Variants in POTEC observed in about 807,000 individuals in gnomAD.
POTEC encodes the protein POTE ankyrin domain family member C, also known as ANKRD26-like family B member 2.
A neutral mutation model predicts 62.0 loss-of-function variants in POTEC; 35 were observed. The ratio of observed to expected loss-of-function variants is 0.56; its 90% CI spans 0.43 to 0.75. The LOEUF (loss-of-function observed/expected upper bound fraction) is 0.75. POTEC is among the 30% of genes least tolerant of loss of function. The pLI, the probability that POTEC is intolerant of heterozygous loss-of-function variation, is 0.00. For synonymous variants in POTEC, 156 were observed against 221.5 expected, an observed-to-expected ratio of 0.70 and a Z score of 2.62; for missense variants, 472 against 655.9, an observed-to-expected ratio of 0.72 and a Z score of 3.06.
intron 1 of POTEC, among the ~76,000 whole-genome samples, chr18:14,542,028 C>T (rs1342612901): frequency 6.6e-6 from 1 of 152,022 alleles, no homozygotes; most frequent in African/African-American, 2.4e-5. Context: ...TGATAAAATA[C>T]ATCATGTGCA....
rs748107578 is a variant in POTEC, at chr18:14,513,735, C to T, written c.1460G>A (p.Gly487Glu). ...AGTCAGAATCTCATCTTGTGATATTCCAGTGTTCTGTTCTTCAGAAAGTTG... is the reference window on the plus strand; with the variant it reads ...AGTCAGAATCTCATCTTGTGATATTTCAGTGTTCTGTTCTTCAGAAAGTTG... ...RKQLSEEQNT[G>E]ISQDEILTNK... Residue 487 changes from glycine to glutamate, a missense_variant, in exon 10 of 11, where the codon GGA (glycine) becomes GAA (glutamate). Transcript: ENST00000358970. 1 of 1,611,252 alleles carries T rather than the reference C, an allele frequency of 6.2e-7. No homozygotes were observed. The highest frequency in any genetic ancestry group is 8.5e-7 in the Non-Finnish European group (1 of 1,179,694).
rs750442973 is a variant in POTEC, at chr18:14,530,572, T to C, written c.1056-19A>G. ...ACAAATTCTATGTATAAAAATGTAA[T>C]AAACCAAATTACTATTTTAATACTG... On this transcript the variant is annotated intron_variant, in intron 5 of 10. Transcript: ENST00000358970. The C allele has an allele frequency of 6.6e-7, 1 of 1,511,712 alleles. No homozygotes were observed. Among genetic ancestry groups the C allele is most frequent in the South Asian group, 1.2e-5 (1 of 82,862 alleles). 93.6% of individuals were successfully genotyped at this position (1,511,712 alleles called of 1,614,324 possible).
Position 14,537,828 on chromosome 18 carries a change from A to G in POTEC, c.783T>C (p.Tyr261=). 6.2e-7 allele frequency: 1 copy of G among 1,611,792 alleles called. No individual in the cohort carries two copies. The highest frequency in any genetic ancestry group is 8.5e-7 in the Non-Finnish European group (1 of 1,179,578). ...TGTTTTTTGATTCAATATCAGCACC[A>G]TATAAGAGCAGTGCTTTGGCCATTA... ...DKLMAKALLL[Y]GADIESKNKC... Residue 261 remains tyrosine, a synonymous_variant, in exon 3 of 11, where the codon TAT becomes TAC. Transcript: ENST00000358970.
chr18:14,515,435 T>C (rs1424201558), intron 9 of POTEC, among the ~76,000 whole-genome samples: 1 of 151,950 alleles, frequency 6.6e-6, no homozygotes, highest in Admixed American at 6.6e-5. Flanking sequence ...TACAAAAACA[T>C]ACACTGGAGA....
At chr18:14,536,114 A>G (rs1361985898) in intron 3 of POTEC, among the ~76,000 whole-genome samples, 1 of 151,684 alleles carries the variant, frequency 6.6e-6, no homozygotes, top group East Asian at 2.0e-4. Context: ...ACTAAAAAAA[A>G]AATACAAAAA....
At position 14,530,008 on chromosome 18, in the gene POTEC, C is replaced by T. The variant is rs1275115721; in HGVS notation, c.1126+475G>A. On this transcript the variant is annotated intron_variant, in intron 6 of 10. Coordinates refer to ENST00000358970, the MANE Select transcript of POTEC (RefSeq NM_001137671.2). ...ACACCACACAGGAGGAGGTGAGCAG[C>T]AGGCAAACCAGGGAAGCTTCACCTG... 3.3e-5 allele frequency among the ~76,000 whole-genome samples: 5 copies of T among 152,030 alleles called. No homozygotes were observed. In the East Asian group the frequency reaches 9.7e-4, roughly 29 times the overall value.
At chr18:14,537,199 AC>A (rs1905752547) in intron 3 of POTEC, among the ~76,000 whole-genome samples, 9 of 88,850 alleles carry the variant, frequency 1.0e-4, no homozygotes, top group Admixed American at 2.3e-4. Context: ...ACACACACAC[AC>A]ACACACACAC....
intron 6 of POTEC, among the ~76,000 whole-genome samples, chr18:14,528,257 CA>C (rs1185278855): frequency 6.6e-6 from 1 of 152,160 alleles, no homozygotes; most frequent in Non-Finnish European, 1.5e-5. Flanking sequence ...CAAATTTCTC[CA>C]ATGAGCCCCT....
intron 6 of POTEC, among the ~76,000 whole-genome samples, chr18:14,525,205 T>C (rs1910405362): frequency 6.8e-6 from 1 of 146,782 alleles, no homozygotes; most frequent in Admixed American, 7.0e-5. Context: ...CCACCCCACA[T>C]AAATGAACAA....
intron 6 of POTEC, among the ~76,000 whole-genome samples, chr18:14,526,669 G>A (rs1217400025): frequency 2.0e-5 from 3 of 152,038 alleles, no homozygotes; most frequent in African/African-American, 7.2e-5. Flanking sequence ...AATAGAAGGA[G>A]GAGTGAGTAG....
At position 14,543,233 on chromosome 18, in the gene POTEC, T is replaced by G. The variant is rs1352537391; in HGVS notation, c.-87A>C. ...CACCAACTAGCAGGAAACCCTGGGT[T>G]TCCAATCTGTTTGAAGAGAAAGGTC... On this transcript the variant is annotated 5_prime_UTR_variant, in exon 1 of 11. Transcript: ENST00000358970. The G allele has an allele frequency of 1.9e-6, 3 of 1,550,768 alleles. No individual in the cohort carries two copies. The African/African-American group carries it at 4.1e-5, about 21-fold the overall frequency.
intron 9 of POTEC, among the ~76,000 whole-genome samples, chr18:14,519,434 G>A (rs2143121513): frequency 6.6e-6 from 1 of 152,156 alleles, no homozygotes; most frequent in Non-Finnish European, 1.5e-5. Context: ...AAGTCATGAG[G>A]GGCCGGGTGC....
At chr18:14,513,362 G>A (rs941729060) in intron 10 of POTEC, among the ~76,000 whole-genome samples, 1 of 152,164 alleles carries the variant, frequency 6.6e-6, no homozygotes, top group African/African-American at 2.4e-5. Context: ...ATATTGGAAA[G>A]ATAATCAATT....
chr18:14,538,186 T>C lies in POTEC; in HGVS notation c.585A>G (p.Arg195=). The C allele has an allele frequency of 1.2e-6, 2 of 1,611,416 alleles. No homozygotes were observed. ...NSEVVQLLLD[R]RCQLNVLDNK... ...TGTCAAGGACATTAAGTTGACATCGTCTGTCCAGCAGGAGTTGTACTACTT... is the reference window on the plus strand; with the variant it reads ...TGTCAAGGACATTAAGTTGACATCGCCTGTCCAGCAGGAGTTGTACTACTT... The change falls in exon 2 of 11, where the codon AGA becomes AGG. Residue 195 remains arginine, a synonymous_variant. Coordinates refer to ENST00000358970, the MANE Select transcript of POTEC (RefSeq NM_001137671.2).
chr18:14,543,103 T>G lies in POTEC; in HGVS notation c.44A>C (p.Lys15Thr), dbSNP rs1317394506. ...VCSMPAASAV[K>T]KPFDLRSKMG... The stretch of plus-strand genomic sequence containing the variant: ...CTTGCTCCTGAGATCGAATGGCTTC[T>G]TCACAGCAGAGGCAGCGGGCATTGA... Residue 15 changes from lysine to threonine, a missense_variant, in exon 1 of 11, where the codon AAG becomes ACG. Physicochemically the swap from Lys to Thr is moderately conservative, Grantham distance 78 (BLOSUM62 -1). Around this residue, in one of 5 missense-constraint regions of POTEC, gnomAD observed 257 missense variants for 250.7 expected, o/e 1.03. Transcript: ENST00000358970. 6.2e-7 allele frequency: 1 copy of G among 1,613,858 alleles called. No homozygotes were observed. Among genetic ancestry groups the G allele is most frequent in the Non-Finnish European group, 8.5e-7 (1 of 1,179,882 alleles).
intron 9 of POTEC, among the ~76,000 whole-genome samples, chr18:14,519,680 G>C (rs1481678204): frequency 6.6e-6 from 1 of 152,162 alleles, no homozygotes; most frequent in African/African-American, 2.4e-5. Flanking sequence ...TCACACCACT[G>C]AACTCCAGCC....
At chr18:14,536,504 A>G (rs1326665131) in intron 3 of POTEC, among the ~76,000 whole-genome samples, 1 of 151,896 alleles carries the variant, frequency 6.6e-6, no homozygotes, top group Non-Finnish European at 1.5e-5. Context: ...AGCAGCTGGG[A>G]CTACAGCCAT....
intron 9 of POTEC, among the ~76,000 whole-genome samples, chr18:14,520,086 G>A (rs1464137387): frequency 3.9e-5 from 6 of 152,156 alleles, no homozygotes; most frequent in Admixed American, 6.6e-5. Flanking sequence ...ATTTGAGTTC[G>A]TGAGTGTAGA....
At chr18:14,530,026 T>G (rs1016687470) in intron 6 of POTEC, among the ~76,000 whole-genome samples, 1 of 151,904 alleles carries the variant, frequency 6.6e-6, no homozygotes, top group African/African-American at 2.4e-5. Context: ...CCAGGGAAGC[T>G]TCACCTGTAC....
Sources: allele counts gnomAD v4.1 joint callset (sites outside exome capture counted in the v4.1 genomes callset), GRCh38; gene constraint gnomAD v4.1.1; regional missense constraint gnomAD v4.1.1; transcripts MANE v1.5; gene names NCBI Gene and HGNC (gene_info 2026-07-23, HGNC 2026-07-21).